Variants in KIF26B observed in about 807,000 individuals in gnomAD.
KIF26B encodes the protein kinesin-like protein KIF26B.
In KIF26B, 63 loss-of-function variants were observed where a neutral mutation model predicts 151.2. That is an observed-to-expected ratio of 0.42 (90% CI 0.34 to 0.51). The LOEUF is 0.51. Ranked by LOEUF, KIF26B falls within the 20% of genes least tolerant of loss-of-function variation. KIF26B has a pLI of 0.07. For missense variants in KIF26B, 2,813 were observed against 2,913.6 expected, an observed-to-expected ratio of 0.97 and a Z score of 0.79; for synonymous variants, 1,357 against 1,262.1, an observed-to-expected ratio of 1.08 and a Z score of -1.59.
intron 5 of KIF26B, among the ~76,000 whole-genome samples, chr1:245,542,157 A>T (rs930020142): frequency 6.6e-6 from 1 of 152,206 alleles, no homozygotes; most frequent in Non-Finnish European, 1.5e-5. Flanking sequence ...GTTCAAGACC[A>T]GCCTGGGTAA....
intron 2 of KIF26B, among the ~76,000 whole-genome samples, chr1:245,171,277 C>T (rs1462249669): frequency 6.6e-6 from 1 of 152,212 alleles, no homozygotes; most frequent in Non-Finnish European, 1.5e-5. Context: ...CGCACGGTGG[C>T]TCACGCCTGT....
intron 2 of KIF26B, among the ~76,000 whole-genome samples, chr1:245,306,985 T>C (rs974057281): frequency 2.6e-5 from 4 of 152,196 alleles, no homozygotes; most frequent in African/African-American, 9.7e-5. Context: ...TAGGATACTG[T>C]TTTTACTAAT....
Position 245,652,145 on chromosome 1 carries a change from T to TGTGTGTGTGA in KIF26B, c.2258+5866_2258+5867insTGTGTGTGAG, listed in dbSNP as rs368258830. On this transcript the variant is annotated intron_variant, in intron 10 of 14. Transcript: ENST00000407071. ...GTGTGTGTGTGTGTGTGTGTGTGTGTGAGAGAGACATATGCATATTTAACC... is the reference window on the plus strand; with the variant it reads ...GTGTGTGTGTGTGTGTGTGTGTGTGTGTGTGTGTGAGAGAGAGACATATGCATATTTAACC... Among the ~76,000 whole-genome samples, 176 of 142,740 alleles carry TGTGTGTGTGA rather than the reference T, an allele frequency of 1.2e-3. 2 individuals are homozygous for TGTGTGTGTGA. The highest frequency in any genetic ancestry group is 4.6e-3 in the African/African-American group (166 of 36,446). 93.6% of individuals were successfully genotyped at this position (142,740 alleles called of 152,430 possible).
chr1:245,428,555 C>T (rs942607643), intron 4 of KIF26B, among the ~76,000 whole-genome samples: 5 of 152,182 alleles, frequency 3.3e-5, no homozygotes, highest in East Asian at 1.9e-4. Context: ...AATATGCAAC[C>T]CCAGCAACCC....
chr1:245,585,391 C>G (rs551654640), intron 5 of KIF26B, among the ~76,000 whole-genome samples: 4 of 152,314 alleles, frequency 2.6e-5, no homozygotes, highest in Non-Finnish European at 5.9e-5. Context: ...TGTGCTGTTT[C>G]CGTTAGGAGA....
intron 2 of KIF26B, among the ~76,000 whole-genome samples, chr1:245,240,162 C>CA (rs202238351): frequency 8.6e-5 from 13 of 150,584 alleles, no homozygotes; most frequent in South Asian, 6.3e-4. Flanking sequence ...GACTCTGTCT[C>CA]AAAAAAAAAG....
At chr1:245,505,660 T>C (rs905625244) in intron 4 of KIF26B, among the ~76,000 whole-genome samples, 1 of 152,096 alleles carries the variant, frequency 6.6e-6, no homozygotes, top group Non-Finnish European at 1.5e-5. Flanking sequence ...TCTGGGATTA[T>C]AGGTATGAGC....
At chr1:245,272,186 A>G (rs1670865422) in intron 2 of KIF26B, among the ~76,000 whole-genome samples, 1 of 152,130 alleles carries the variant, frequency 6.6e-6, no homozygotes, top group African/African-American at 2.4e-5. Flanking sequence ...CTGTGGCATC[A>G]GTTGTAATGC....
At chr1:245,544,878 C>T (rs1326879997) in intron 5 of KIF26B, among the ~76,000 whole-genome samples, 1 of 152,174 alleles carries the variant, frequency 6.6e-6, no homozygotes, top group African/African-American at 2.4e-5. Flanking sequence ...CCTTCCCACT[C>T]CCTGCTGTTT....
chr1:245,219,053 C>T (rs772317321), intron 2 of KIF26B, among the ~76,000 whole-genome samples: 7 of 149,198 alleles, frequency 4.7e-5, no homozygotes, highest in Non-Finnish European at 1.0e-4. Flanking sequence ...TTGTTCTGAC[C>T]GTGGGTTACT....
intron 2 of KIF26B, among the ~76,000 whole-genome samples, chr1:245,337,085 G>C (rs1478679530): frequency 6.6e-6 from 1 of 152,164 alleles, no homozygotes; most frequent in Admixed American, 6.5e-5. Context: ...TTATCAAGTA[G>C]AAGCAATTCT....
At chr1:245,222,524 G>C (rs755084267) in intron 2 of KIF26B, among the ~76,000 whole-genome samples, 14 of 152,106 alleles carry the variant, frequency 9.2e-5, no homozygotes, top group Admixed American at 1.3e-4. Flanking sequence ...GAAAGAACTA[G>C]AAGAAAATAT....
chr1:245,269,575 C>A (rs1670812419), intron 2 of KIF26B, among the ~76,000 whole-genome samples: 1 of 151,906 alleles, frequency 6.6e-6, no homozygotes, highest in African/African-American at 2.4e-5. Flanking sequence ...AGTGATTCTC[C>A]TGCTTCAGCC....
At chr1:245,198,409 T>G (rs1669228870) in intron 2 of KIF26B, among the ~76,000 whole-genome samples, 1 of 152,206 alleles carries the variant, frequency 6.6e-6, no homozygotes, top group Admixed American at 6.5e-5. Context: ...GTAAAGTGAT[T>G]AAAACAGAGT....
chr1:245,270,597 T>C (rs1420081426), intron 2 of KIF26B, among the ~76,000 whole-genome samples: 1 of 152,158 alleles, frequency 6.6e-6, no homozygotes, highest in Non-Finnish European at 1.5e-5. Flanking sequence ...GGTCCTTTCC[T>C]TTATGTATTT....
At chr1:245,679,759 G>T (rs2044408314) in intron 10 of KIF26B, among the ~76,000 whole-genome samples, 1 of 152,038 alleles carries the variant, frequency 6.6e-6, no homozygotes. Context: ...GTGAGCCACG[G>T]TGCCCAGCAT....
chr1:245,240,764 C>T (rs1055876990), intron 2 of KIF26B, among the ~76,000 whole-genome samples: 1 of 152,098 alleles, frequency 6.6e-6, no homozygotes, highest in Non-Finnish European at 1.5e-5. Context: ...CAGGAGATGC[C>T]GCTGTGGGAG....
At chr1:245,317,513 G>C (rs141958586) in intron 2 of KIF26B, among the ~76,000 whole-genome samples, 1 of 152,250 alleles carries the variant, frequency 6.6e-6, no homozygotes, top group Non-Finnish European at 1.5e-5. Context: ...AAAAGAAACT[G>C]AATGGAGCCT....
chr1:245,189,651 C>A (rs1293278982), intron 2 of KIF26B, among the ~76,000 whole-genome samples: 2 of 152,166 alleles, frequency 1.3e-5, no homozygotes, highest in Non-Finnish European at 2.9e-5. Context: ...CCTGTGTGAT[C>A]CCCCAGAAGT....
Sources: gnomAD v4.1 joint callset for allele counts (sites outside exome capture counted in the v4.1 genomes callset) on GRCh38, gnomAD v4.1.1 for gene constraint, MANE v1.5 for transcripts, NCBI Gene and HGNC (gene_info 2026-07-23, HGNC 2026-07-21) for gene names.